Variants in ZNF624 observed in about 807,000 individuals in gnomAD.
The protein encoded by ZNF624 is zinc finger protein 624.
Under a neutral mutation model 74.7 loss-of-function variants are expected in ZNF624, and 43 were observed. That is an observed-to-expected ratio of 0.58 (90% CI 0.45 to 0.74). The LOEUF (loss-of-function observed/expected upper bound fraction) is 0.74, where lower values mean the gene tolerates loss of function less well. Among genes scored for constraint, ZNF624 ranks in the 30% least tolerant of loss-of-function variants. The pLI is 0.00. For synonymous variants in ZNF624, 331 were observed against 341.3 expected (o/e 0.97, Z 0.33); for missense variants, 820 against 1,030.0 (o/e 0.80, Z 2.79).
chr17:16,634,034 A>G (rs1909268444), intron 4 of ZNF624, 77 bp from the exon 5 acceptor site: 1 of 1,181,150 alleles, frequency 8.5e-7, no homozygotes, highest in South Asian at 1.3e-5. Flanking sequence ...TCAGTTCTTA[A>G]TCTTCTGGGC....
chr17:16,635,316 A>G lies in ZNF624; in HGVS notation c.154-560T>C, dbSNP rs142987034. 1.4e-3 allele frequency among the ~76,000 whole-genome samples: 213 copies of G among 152,292 alleles called. 1 individual carries two copies. The highest frequency in any genetic ancestry group is 5.0e-3 in the African/African-American group (209 of 41,574). ...GGTAAGTTCTTTGGTCTGGATATGTATATGTATTAAAAAATGGAAGAACAG... is the reference window on the plus strand; with the variant it reads ...GGTAAGTTCTTTGGTCTGGATATGTGTATGTATTAAAAAATGGAAGAACAG... On this transcript the variant is annotated intron_variant, in intron 3 of 5. Coordinates refer to ENST00000311331, the MANE Select transcript of ZNF624 (RefSeq NM_020787.4).
downstream of ZNF624, chr17:16,616,922 T>G: frequency 6.5e-7 from 1 of 1,536,780 alleles, no homozygotes; most frequent in Non-Finnish European, 8.9e-7. Flanking sequence ...GAAGTAGCTC[T>G]TTTTGGTGGA....
intron 5 of ZNF624, chr17:16,631,770 AG>A (rs1222441187): frequency 6.6e-6 from 1 of 152,236 alleles, no homozygotes. Flanking sequence ...AGCAAGACTG[AG>A]TAAGACAAAA....
intron 3 of ZNF624, among the ~76,000 whole-genome samples, chr17:16,644,204 A>G (rs1451042750): frequency 1.3e-5 from 2 of 152,020 alleles, no homozygotes; most frequent in African/African-American, 4.8e-5. Flanking sequence ...AGCCAAATAA[A>G]CCCCTTTTCT....
chr17:16,648,890 C>T (rs1340763240), intron 2 of ZNF624, among the ~76,000 whole-genome samples: 2 of 152,290 alleles, frequency 1.3e-5, no homozygotes, highest in Non-Finnish European at 2.9e-5. Flanking sequence ...CCTCTGAAGC[C>T]TTGCCCTTAA....
intron 3 of ZNF624, among the ~76,000 whole-genome samples, chr17:16,646,542 G>T (rs991186266): frequency 1.3e-5 from 2 of 152,178 alleles, no homozygotes; most frequent in Non-Finnish European, 2.9e-5. Context: ...GACAAGACAG[G>T]TTTAAAGGAG....
chr17:16,624,053 C>A lies in ZNF624; in HGVS notation c.833G>T (p.Cys278Phe). 1 of 1,614,050 alleles carries A rather than the reference C, an allele frequency of 6.2e-7. No homozygotes were observed. The highest frequency in any genetic ancestry group is 8.5e-7 in the Non-Finnish European group (1 of 1,180,010). Residue 278 changes from cysteine to phenylalanine, a missense_variant, in exon 6 of 6, where the codon TGT becomes TTT. Physicochemically the swap from Cys to Phe is radical, Grantham distance 205 (BLOSUM62 -2). Coordinates refer to ENST00000311331, the MANE Select transcript of ZNF624 (RefSeq NM_020787.4). Reference sequence around the variant, plus strand: ...ATGAAAGGCCTTTTCGCATGTACTACATTTGTAGGGTTTTTCCTTATTATT... The same window carrying A: ...ATGAAAGGCCTTTTCGCATGTACTAAATTTGTAGGGTTTTTCCTTATTATT... ...KSNNKEKPYK[C>F]STCEKAFHYR...
chr17:16,627,762 G>A (rs1338596836), intron 5 of ZNF624, among the ~76,000 whole-genome samples: 2 of 152,154 alleles, frequency 1.3e-5, no homozygotes, highest in East Asian at 1.9e-4. Context: ...GAAATAGATC[G>A]GCTGGCTGAA....
chr17:16,644,936 T>C (rs913556054), intron 3 of ZNF624, among the ~76,000 whole-genome samples: 3 of 152,254 alleles, frequency 2.0e-5, no homozygotes, highest in Admixed American at 6.5e-5. Flanking sequence ...AAGCAGTTAT[T>C]TGCAACCCAG....
Position 16,624,423 on chromosome 17 carries a change from G to A in ZNF624, c.463C>T (p.Leu155Phe). 1 of 1,612,726 alleles carries A rather than the reference G, an allele frequency of 6.2e-7. No individual in the cohort carries two copies. The highest frequency in any genetic ancestry group is 8.5e-7 in the Non-Finnish European group (1 of 1,179,636). Reference sequence around the variant, plus strand: ...GAATCCCACAGACCATTCTCTGTAAGTTTCTCTAGTATGGCCTCCTGTGAT... The same window carrying A: ...GAATCCCACAGACCATTCTCTGTAAATTTCTCTAGTATGGCCTCCTGTGAT... ...DLSQEAILEKLTENGLWDSRM... is the reference protein window; with the variant it reads ...DLSQEAILEKFTENGLWDSRM... Residue 155 changes from leucine to phenylalanine, a missense_variant, in exon 6 of 6, where the codon CTT (leucine) becomes TTT (phenylalanine). Leu to Phe is a conservative substitution (Grantham distance 22). Coordinates refer to ENST00000311331, the MANE Select transcript of ZNF624 (RefSeq NM_020787.4).
At chr17:16,632,873 T>C (rs1249416282) in intron 5 of ZNF624, among the ~76,000 whole-genome samples, 3 of 152,254 alleles carry the variant, frequency 2.0e-5, no homozygotes, top group Non-Finnish European at 2.9e-5. Context: ...AATCTTATTC[T>C]GTACCAGTTT....
At chr17:16,628,775 TAAA>T (rs373568155) in intron 5 of ZNF624, among the ~76,000 whole-genome samples, 3 of 138,960 alleles carry the variant, frequency 2.2e-5, no homozygotes, top group Non-Finnish European at 3.2e-5. Flanking sequence ...CCACAAGAGA[TAAA>T]AAAAAAAAAT....
chr17:16,637,467 T>C (rs1445599098), intron 3 of ZNF624, among the ~76,000 whole-genome samples: 3 of 152,094 alleles, frequency 2.0e-5, no homozygotes, highest in African/African-American at 7.2e-5. Flanking sequence ...CTTCAAACTA[T>C]ACTACAAGGC....
intron 1 of ZNF624, among the ~76,000 whole-genome samples, chr17:16,650,377 T>C (rs1909694641): frequency 6.7e-6 from 1 of 149,660 alleles, no homozygotes; most frequent in Admixed American, 6.6e-5. Context: ...TTATCCTTTC[T>C]ATATCAGGCA....
At chr17:16,653,558 G>A (rs1270966291) in intron 1 of ZNF624, 1 of 152,412 alleles carries the variant, frequency 6.6e-6, no homozygotes, top group Non-Finnish European at 1.5e-5. Flanking sequence ...CATAGGGCAC[G>A]CGGCCCTACC....
At chr17:16,648,753 A>C (rs147862988) in intron 2 of ZNF624, among the ~76,000 whole-genome samples, 2 of 151,458 alleles carry the variant, frequency 1.3e-5, no homozygotes, top group East Asian at 1.9e-4. Flanking sequence ...AGGACACTCA[A>C]ACACACACAC....
chr17:16,631,700 G>A (rs983766083), intron 5 of ZNF624: 1 of 152,254 alleles, frequency 6.6e-6, no homozygotes, highest in Non-Finnish European at 1.5e-5. Flanking sequence ...TCCAGCCTGG[G>A]TGATAGAATG....
intron 1 of ZNF624, among the ~76,000 whole-genome samples, chr17:16,650,254 T>C (rs931622482): frequency 6.6e-6 from 1 of 152,148 alleles, no homozygotes; most frequent in African/African-American, 2.4e-5. Context: ...AAGAGTCTAT[T>C]TCCTAACATT....
In ZNF624 at chr17:16,624,046, T is replaced by A. The variant is rs779514943; in HGVS notation, c.840A>T (p.Thr280=). Residue 280 remains threonine (T), a synonymous_variant, in exon 6 of 6, where the codon ACA becomes ACT. Coordinates refer to ENST00000311331, the MANE Select transcript of ZNF624 (RefSeq NM_020787.4). The part of the protein sequence containing the change: ...NNKEKPYKCS[T]CEKAFHYRSL... Reference sequence around the variant, plus strand: ...ATCTATAATGAAAGGCCTTTTCGCATGTACTACATTTGTAGGGTTTTTCCT... The same window carrying A: ...ATCTATAATGAAAGGCCTTTTCGCAAGTACTACATTTGTAGGGTTTTTCCT... 1.2e-6 allele frequency: 2 copies of A among 1,613,852 alleles called. No individual in the cohort carries two copies. The highest frequency in any genetic ancestry group is 2.2e-5 in the South Asian group (2 of 91,006).
Sources: gnomAD v4.1 joint callset for allele counts (sites outside exome capture counted in the v4.1 genomes callset) on GRCh38, gnomAD v4.1.1 for gene constraint, MANE v1.5 for transcripts, NCBI Gene and HGNC (gene_info 2026-07-23, HGNC 2026-07-21) for gene names.